HNRNPUL1: variants seen among roughly 807,000 people sequenced by gnomAD.
The protein encoded by HNRNPUL1 is heterogeneous nuclear ribonucleoprotein U-like protein 1.
HNRNPUL1 carries 14 observed loss-of-function variants against 108.5 expected under a neutral mutation model. The observed-to-expected ratio is 0.13, with a 90% CI of 0.09 to 0.20. The LOEUF (loss-of-function observed/expected upper bound fraction) is 0.20, where lower values mean the gene tolerates loss of function less well. HNRNPUL1 is among the 10% of genes least tolerant of loss of function. The pLI is 1.00. For missense variants in HNRNPUL1, 804 were observed against 1,168.3 expected (o/e 0.69, Z 4.55); for synonymous variants, 422 against 445.2 (o/e 0.95, Z 0.66).
chr19:41,277,688 G>A (rs1279916418), intron 5 of HNRNPUL1, among the ~76,000 whole-genome samples: 1 of 152,010 alleles, frequency 6.6e-6, no homozygotes, highest in East Asian at 1.9e-4. Context: ...TGTATTTTTA[G>A]TAGAGATGGG....
rs898590528 is a variant in HNRNPUL1, at chr19:41,303,992, G to A, written c.1993G>A (p.Gly665Ser). The A allele has an allele frequency of 3.7e-6, 6 of 1,612,274 alleles. No homozygotes were observed. Among genetic ancestry groups the A allele is most frequent in the South Asian group, 3.3e-5 (3 of 91,050 alleles). The change falls in exon 13 of 15, where the codon GGT (glycine) becomes AGT (serine). Residue 665 changes from glycine to serine, a missense_variant. Coordinates refer to ENST00000392006, the MANE Select transcript of HNRNPUL1 (RefSeq NM_007040.6). ...YRGGFNRSGGGGYSQNRWGNN... is the reference protein window; with the variant it reads ...YRGGFNRSGGSGYSQNRWGNN... ...CACAGGTTTCAACCGCAGCGGAGGT[G>A]GTGGCTATAGCCAGAACCGCTGGGG...
chr19:41,268,352 A>AGC lies in HNRNPUL1; in HGVS notation c.418+7_418+8insGC. On this transcript the variant is annotated splice_region_variant and intron_variant, in intron 2 of 14. Coordinates refer to ENST00000392006, the MANE Select transcript of HNRNPUL1 (RefSeq NM_007040.6). ...CAGCAGGCCTATCGTCCAGGTAGGA[A>AGC]AATACACATGGTTCATCTCTTTGGA... is the stretch of plus-strand genomic sequence containing the variant. The AGC allele has an allele frequency of 6.2e-7, 1 of 1,613,090 alleles. No individual in the cohort carries two copies. Among genetic ancestry groups the AGC allele is most frequent in the Non-Finnish European group, 8.5e-7 (1 of 1,179,594 alleles).
Position 41,307,227 on chromosome 19 carries a change from C to G in HNRNPUL1, c.*662C>G, listed in dbSNP as rs2037593235. ...TGAGGAAGAGCCACAAAACAAAACA[C>G]AACAAAACCAAACCACAGAATCATC... On this transcript the variant is annotated 3_prime_UTR_variant, in exon 15 of 15. Coordinates refer to ENST00000392006, the MANE Select transcript of HNRNPUL1 (RefSeq NM_007040.6). 1 of 152,500 alleles carries G rather than the reference C, an allele frequency of 6.6e-6. No individual in the cohort carries two copies. The highest frequency in any genetic ancestry group is 6.5e-5 in the Admixed American group (1 of 15,276). 9.4% of individuals were successfully genotyped at this position (152,500 alleles called of 1,614,324 possible). A position where few individuals can be genotyped will look rare whatever the true frequency, so the allele number is the denominator to read the frequency against.
chr19:41,301,584 G>T lies in HNRNPUL1; in HGVS notation c.1567G>T (p.Gly523Cys). ...GAGACGAAAAATGAGACCATTTGAA[G>T]GCTTCCAGCGCAAAGCTATTGTAAT... ...AQRRKMRPFE[G>C]FQRKAIVICP... is the part of the protein sequence containing the mutation. Residue 523 changes from glycine (G) to cysteine (C), a missense_variant, in exon 11 of 15, where the codon GGC (glycine) becomes TGC (cysteine). By Grantham distance (159) the Gly-to-Cys change is radical. Transcript: ENST00000392006. 6.2e-7 allele frequency: 1 copy of T among 1,614,120 alleles called. No individual in the cohort carries two copies.
chr19:41,302,689 G>A lies in HNRNPUL1; in HGVS notation c.1712G>A (p.Gly571Glu). The A allele has an allele frequency of 6.2e-7, 1 of 1,614,170 alleles. No individual in the cohort carries two copies. The highest frequency in any genetic ancestry group is 8.5e-7 in the Non-Finnish European group (1 of 1,180,034). ...MKANFTLPDV[G>E]DFLDEVLFIE... The stretch of plus-strand genomic sequence containing the variant: ...GCCAACTTCACGTTGCCAGATGTTG[G>A]GGACTTCCTGGATGAGGTTCTGTTC... The change falls in exon 12 of 15, where the codon GGG becomes GAG. Residue 571 changes from glycine to glutamate, a missense_variant. By Grantham distance (98) the Gly-to-Glu change is moderately conservative. This residue lies in a region of HNRNPUL1 where 80 missense variants were observed against 221.8 expected (regional missense o/e 0.36). Transcript: ENST00000392006.
At chr19:41,291,413 CG>C (rs1220957832) in intron 7 of HNRNPUL1, among the ~76,000 whole-genome samples, 2 of 152,146 alleles carry the variant, frequency 1.3e-5, no homozygotes, top group African/African-American at 2.4e-5. Flanking sequence ...AAAGGCCCTG[CG>C]GTGGCTTTCC....
intron 11 of HNRNPUL1, 127 bp downstream of exon 11, chr19:41,301,831 T>G: frequency 1.1e-6 from 1 of 869,770 alleles, no homozygotes; most frequent in East Asian, 2.8e-5. Context: ...TCTTTGCTTC[T>G]GCTTTGTCCC....
intron 13 of HNRNPUL1, among the ~76,000 whole-genome samples, chr19:41,305,245 A>G (rs945635346): frequency 3.9e-5 from 6 of 152,194 alleles, no homozygotes; most frequent in East Asian, 3.8e-4. Flanking sequence ...CACTTAGTCA[A>G]TTGCCACTAC....
chr19:41,285,927 G>A (rs547006114), intron 7 of HNRNPUL1, among the ~76,000 whole-genome samples: 12 of 152,118 alleles, frequency 7.9e-5, no homozygotes, highest in Non-Finnish European at 1.5e-4. Context: ...CCAGCACTTC[G>A]GGAGGCCAAG....
chr19:41,287,980 T>C (rs192466940), intron 7 of HNRNPUL1, among the ~76,000 whole-genome samples: 1 of 152,330 alleles, frequency 6.6e-6, no homozygotes, highest in African/African-American at 2.4e-5. Flanking sequence ...CATCTTTCCC[T>C]GTCCACACAG....
At chr19:41,264,948 G>A in intron 1 of HNRNPUL1, 150 bp downstream of exon 1, 1 of 1,340,772 alleles carries the variant, frequency 7.5e-7, no homozygotes, top group Non-Finnish European at 9.5e-7. Flanking sequence ...CTGGGGACCA[G>A]GGCCCCAGCA....
At chr19:41,265,192 G>T in intron 1 of HNRNPUL1, 1 of 1,480,372 alleles carries the variant, frequency 6.8e-7, no homozygotes. Flanking sequence ...GGGCTTGGCG[G>T]TCGTGCTAGC....
intron 2 of HNRNPUL1, among the ~76,000 whole-genome samples, chr19:41,270,632 G>C (rs2035175374): frequency 8.6e-6 from 1 of 116,646 alleles, no homozygotes; most frequent in South Asian, 2.7e-4. Flanking sequence ...GTCTCGCTCT[G>C]TTGCCCAGGC....
chr19:41,263,578 A>G (rs985378716), upstream of HNRNPUL1, among the ~76,000 whole-genome samples: 1 of 152,190 alleles, frequency 6.6e-6, no homozygotes, highest in Admixed American at 6.5e-5. Flanking sequence ...TCTAGTTTCT[A>G]TAGCCAAACC....
intron 1 of HNRNPUL1, among the ~76,000 whole-genome samples, chr19:41,266,033 C>CG (rs1179812228): frequency 2.6e-5 from 4 of 152,254 alleles, no homozygotes; most frequent in South Asian, 4.1e-4. Flanking sequence ...GCACGGAACT[C>CG]TTCATCAGCC....
At chr19:41,276,864 C>T (rs1359898385) in intron 5 of HNRNPUL1, 1 of 152,358 alleles carries the variant, frequency 6.6e-6, no homozygotes, top group African/African-American at 2.4e-5. Flanking sequence ...TTTTGGGAGG[C>T]CAAGGCAGGT....
In HNRNPUL1 at chr19:41,306,439, C is replaced by A; in HGVS notation, c.2455-10C>A. Reference sequence around the variant, plus strand: ...CAGGACAACTTGGTGTTCTTGGTTTCTTTCCCCAGTATGCCCAGCAGTGGA... The same window carrying A: ...CAGGACAACTTGGTGTTCTTGGTTTATTTCCCCAGTATGCCCAGCAGTGGA... On this transcript the variant is annotated splice_polypyrimidine_tract_variant and intron_variant, in intron 14 of 14. Transcript: ENST00000392006. 1 of 1,563,256 alleles carries A rather than the reference C, an allele frequency of 6.4e-7. No individual in the cohort carries two copies. Among genetic ancestry groups the A allele is most frequent in the Non-Finnish European group, 8.7e-7 (1 of 1,154,942 alleles).
rs751766236 is a variant in HNRNPUL1 at position 41,264,664 on chromosome 19, C to G, written c.161C>G (p.Pro54Arg). The change falls in exon 1 of 15, where the codon CCG becomes CGG. Residue 54 changes from proline to arginine, a missense_variant. Pro to Arg is a moderately radical substitution (Grantham distance 103, BLOSUM62 -2). Transcript: ENST00000392006. ...CGGGAGCTCGACGCCGACGACGAAC[C>G]GGGGCGACCCGGGCACATCAACGAG... ...DERELDADDE[P>R]GRPGHINEEV... 6.3e-7 allele frequency: 1 copy of G among 1,581,840 alleles called. No individual in the cohort carries two copies. The highest frequency in any genetic ancestry group is 8.5e-7 in the Non-Finnish European group (1 of 1,171,238).
At chr19:41,276,351 A>G (rs750640915) in intron 5 of HNRNPUL1, 53 bp downstream of exon 5, 1 of 1,543,214 alleles carries the variant, frequency 6.5e-7, no homozygotes, top group Non-Finnish European at 8.7e-7. Flanking sequence ...CCATTGTAAT[A>G]TCCTGATACC....
Sources: gnomAD v4.1 joint callset for allele counts (sites outside exome capture counted in the v4.1 genomes callset) on GRCh38, gnomAD v4.1.1 for gene constraint, gnomAD v4.1.1 regional missense constraint, MANE v1.5 for transcripts, NCBI Gene and HGNC (gene_info 2026-07-23, HGNC 2026-07-21) for gene names.